Variants in PLOD2 observed in about 807,000 individuals in gnomAD.
PLOD2 encodes lysine hydroxylase 2.
Under a neutral mutation model 101.0 loss-of-function variants are expected in PLOD2, and 65 were observed. That is an observed-to-expected ratio of 0.64 (90% CI 0.53 to 0.79). The LOEUF (loss-of-function observed/expected upper bound fraction) is 0.79. Among genes scored for constraint, PLOD2 ranks in the 30% least tolerant of loss-of-function variants. PLOD2 has a pLI of 0.00. For missense variants in PLOD2, 909 were observed against 914.6 expected (o/e 0.99, Z 0.08); for synonymous variants, 314 against 302.9 (o/e 1.04, Z -0.38).
chr3:146,073,003 A>T (rs1020130013), intron 16 of PLOD2, among the ~76,000 whole-genome samples: 5 of 151,806 alleles, frequency 3.3e-5, no homozygotes, highest in African/African-American at 1.2e-4. Flanking sequence ...CAAGAGTTCT[A>T]CATCAGAGAT....
rs1033049114 is a variant in PLOD2, at chr3:146,107,349, C to T, written c.503-705G>A. Among the ~76,000 whole-genome samples, 4 of 152,120 alleles carry T rather than the reference C, an allele frequency of 2.6e-5. No homozygotes were observed. The South Asian group carries it at 6.2e-4, about 24-fold the overall frequency. On this transcript the variant is annotated intron_variant, in intron 4 of 19. Coordinates refer to ENST00000282903, the MANE Select transcript of PLOD2 (RefSeq NM_182943.3). The stretch of plus-strand genomic sequence containing the variant: ...AACATTTGTCTATTAAAGACACGAA[C>T]GGAATCATTTTTCTTGTCTGAATCT...
intron 13 of PLOD2, 80 bp from the exon 14 acceptor site, chr3:146,078,004 C>T (rs2108004132): frequency 1.2e-6 from 1 of 828,002 alleles, no homozygotes; most frequent in Non-Finnish European, 2.1e-6. Flanking sequence ...AAAATAATAG[C>T]AGCTGTTGAT....
At chr3:146,156,604 T>C (rs535610327) in intron 1 of PLOD2, among the ~76,000 whole-genome samples, 1 of 152,264 alleles carries the variant, frequency 6.6e-6, no homozygotes, top group Non-Finnish European at 1.5e-5. Flanking sequence ...ATTTGGCCTA[T>C]GGGCCATAAT....
chr3:146,113,050 A>T lies in PLOD2; in HGVS notation c.339-2602T>A, dbSNP rs996331326. Among the ~76,000 whole-genome samples, 4 of 152,138 alleles carry T rather than the reference A, an allele frequency of 2.6e-5. No individual in the cohort carries two copies. The South Asian group carries it at 6.2e-4, about 24-fold the overall frequency. On this transcript the variant is annotated intron_variant, in intron 3 of 19. Coordinates refer to ENST00000282903, the MANE Select transcript of PLOD2 (RefSeq NM_182943.3). Reference sequence around the variant, plus strand: ...TGAGTGAATATTTTTTGTCTTTGAAACCCTAATGATGGATACAGATTATAT... The same window carrying T: ...TGAGTGAATATTTTTTGTCTTTGAATCCCTAATGATGGATACAGATTATAT...
intron 3 of PLOD2, among the ~76,000 whole-genome samples, chr3:146,114,342 C>A (rs1429986012): frequency 6.6e-6 from 1 of 152,056 alleles, no homozygotes; most frequent in East Asian, 1.9e-4. Context: ...ATGTAGTGCC[C>A]TGAAAACCAA....
rs577653245 is a variant in PLOD2 at position 146,140,997 on chromosome 3, T to C, written c.110-16768A>G. On this transcript the variant is annotated intron_variant, in intron 1 of 19. Transcript: ENST00000282903. ...CCTGCTCTGTCAAGAACACAACATG[T>C]TTCTTCATTTACTGCCCCCTAATAA... Among the ~76,000 whole-genome samples, 5 of 152,162 alleles carry C rather than the reference T, an allele frequency of 3.3e-5. No homozygotes were observed. The South Asian group carries it at 1.0e-3, about 32-fold the overall frequency.
chr3:146,113,889 A>G (rs1390021717), intron 3 of PLOD2, among the ~76,000 whole-genome samples: 1 of 152,192 alleles, frequency 6.6e-6, no homozygotes, highest in African/African-American at 2.4e-5. Context: ...TCTTCTTACA[A>G]AAGCGAATAG....
At position 146,102,848 on chromosome 3, in the gene PLOD2, T is replaced by A. The variant is rs937990206; in HGVS notation, c.684A>T (p.Glu228Asp). 11 of 1,529,600 alleles carry A rather than the reference T, an allele frequency of 7.2e-6. No homozygotes were observed. The highest frequency in any genetic ancestry group is 1.7e-4 in the Middle Eastern group (1 of 5,918). The allele number at this position is 1,529,600 out of a possible 1,614,324, so 94.8% of individuals were successfully genotyped here. ...TGCCATTTTCAAATTTTAAAACAAC[T>A]TCATCTGGGTTAAAAAGAGAAAATA... is the stretch of plus-strand genomic sequence containing the variant. ...IFQTLNGAVD[E>D]VVLKFENGKA... The change falls in exon 7 of 20, where the codon GAA (glutamate) becomes GAT (aspartate). Residue 228 changes from glutamate to aspartate, a missense_variant. Coordinates refer to ENST00000282903, the MANE Select transcript of PLOD2 (RefSeq NM_182943.3).
intron 12 of PLOD2, among the ~76,000 whole-genome samples, chr3:146,079,458 T>C (rs1404923586): frequency 6.6e-6 from 1 of 152,020 alleles, no homozygotes; most frequent in Non-Finnish European, 1.5e-5. Context: ...GATAAACCAC[T>C]GCCCCTTTGG....
chr3:146,075,607 G>C (rs993784137), intron 15 of PLOD2, among the ~76,000 whole-genome samples: 1 of 150,828 alleles, frequency 6.6e-6, no homozygotes, highest in East Asian at 1.9e-4. Context: ...GGCTATCTTT[G>C]ATGTACATTC....
rs902382386 is a variant in PLOD2, at chr3:146,070,659, C to T, written c.*58G>A. 4.0e-5 allele frequency: 45 copies of T among 1,137,106 alleles called. No individual in the cohort carries two copies. The highest frequency in any genetic ancestry group is 7.1e-5 in the East Asian group (3 of 42,290). The allele number at this position is 1,137,106 out of a possible 1,614,324, so 70.4% of individuals were successfully genotyped here. A position where few individuals can be genotyped will look rare whatever the true frequency, so the allele number is the denominator to read the frequency against. On this transcript the variant is annotated 3_prime_UTR_variant, in exon 20 of 20. Coordinates refer to ENST00000282903, the MANE Select transcript of PLOD2 (RefSeq NM_182943.3). ...ATCTTCTCAGCCACAACTTCAAAGACGTGTTCATGCCAGTCATTCATCCAA... is the reference window on the plus strand; with the variant it reads ...ATCTTCTCAGCCACAACTTCAAAGATGTGTTCATGCCAGTCATTCATCCAA...
intron 1 of PLOD2, among the ~76,000 whole-genome samples, chr3:146,145,196 T>C (rs372890801): frequency 6.6e-6 from 1 of 152,188 alleles, no homozygotes; most frequent in East Asian, 1.9e-4. Context: ...CCAAATATTT[T>C]TGTCTTCATC....
intron 9 of PLOD2, among the ~76,000 whole-genome samples, chr3:146,087,657 A>G (rs1936828258): frequency 1.3e-5 from 2 of 151,856 alleles, no homozygotes; most frequent in African/African-American, 4.8e-5. Flanking sequence ...CATAAAAGCA[A>G]CATAGAGTTA....
At chr3:146,147,224 G>C (rs1287800670) in intron 1 of PLOD2, among the ~76,000 whole-genome samples, 1 of 152,068 alleles carries the variant, frequency 6.6e-6, no homozygotes, top group African/African-American at 2.4e-5. Context: ...AAAATCACTA[G>C]AATATAAGAC....
intron 1 of PLOD2, among the ~76,000 whole-genome samples, chr3:146,124,480 GC>G (rs1375881177): frequency 6.6e-6 from 1 of 152,016 alleles, no homozygotes; most frequent in African/African-American, 2.4e-5. Context: ...GAAAAATCAT[GC>G]CATCAATAAA....
rs759343908 is a variant in PLOD2, at chr3:146,121,115, T to C, written c.335A>G (p.Glu112Gly). 32 of 1,598,138 alleles carry C rather than the reference T, an allele frequency of 2.0e-5. No individual in the cohort carries two copies. In the East Asian group the frequency reaches 3.8e-4, roughly 19 times the overall value. ...DQDDLVVMFT[E>G]CFDVIFAGGP... ...ATCCACAGGGTGTTTCTCCTACCAT[T>C]CAGTAAACATGACAACCAGATCATC... Residue 112 changes from glutamate (E) to glycine (G), a missense_variant, in exon 3 of 20, where the codon GAA becomes GGA. Glu to Gly is a moderately conservative substitution (Grantham distance 98). Coordinates refer to ENST00000282903, the MANE Select transcript of PLOD2 (RefSeq NM_182943.3).
In PLOD2 at chr3:146,086,819, A is replaced by AT; in HGVS notation, c.1094dup (p.Asn365LysfsTer19). 2.0e-6 allele frequency: 3 copies of AT among 1,515,058 alleles called. No homozygotes were observed. Among genetic ancestry groups the AT allele is most frequent in the Non-Finnish European group, 1.8e-6 (2 of 1,114,624 alleles). 93.9% of individuals were successfully genotyped at this position (1,515,058 alleles called of 1,614,324 possible). On this transcript the variant is annotated frameshift_variant, in exon 10 of 20. Transcript: ENST00000282903. LOFTEE classifies it high-confidence loss of function. ...TGTTTCTGGCTTCCGCTTGACTTAG[A>AT]TTTTCTTCTGGTCCTACTATTTTTA...
At chr3:146,138,045 G>A (rs1647114716) in intron 1 of PLOD2, among the ~76,000 whole-genome samples, 1 of 152,094 alleles carries the variant, frequency 6.6e-6, no homozygotes, top group African/African-American at 2.4e-5. Flanking sequence ...GACAGGAAAT[G>A]GTTAATTGCA....
intron 1 of PLOD2, among the ~76,000 whole-genome samples, chr3:146,130,539 T>C (rs2030849070): frequency 6.6e-6 from 1 of 152,182 alleles, no homozygotes; most frequent in Non-Finnish European, 1.5e-5. Flanking sequence ...AGTAGGTTCT[T>C]AAAAAACATT....
Sources: gnomAD v4.1 joint callset for allele counts (sites outside exome capture counted in the v4.1 genomes callset) on GRCh38, gnomAD v4.1.1 for gene constraint, MANE v1.5 for transcripts, NCBI Gene and HGNC (gene_info 2026-07-23, HGNC 2026-07-21) for gene names.